The following SATB2 variants were observed in gnomAD, a reference collection of about 807,000 sequenced individuals.
The protein encoded by SATB2 is DNA-binding protein SATB2.
SATB2 carries 1 observed loss-of-function variant against 73.4 expected under a neutral mutation model. The observed-to-expected ratio is 0.01, with a 90% CI of 0.00 to 0.06. The LOEUF is 0.06. Ranked by LOEUF, SATB2 falls within the 10% of genes least tolerant of loss-of-function variation. SATB2 has a pLI of 1.00. For missense variants in SATB2, 459 were observed against 945.8 expected, an observed-to-expected ratio of 0.49 and a Z score of 6.75; for synonymous variants, 397 against 367.0, an observed-to-expected ratio of 1.08 and a Z score of -0.93.
upstream of SATB2, among the ~76,000 whole-genome samples, chr2:199,467,145 G>T (rs765384633): frequency 1.7e-4 from 26 of 152,254 alleles, no homozygotes; most frequent in Non-Finnish European, 3.5e-4. Flanking sequence ...CTCAAGTCAG[G>T]TCTCCCGGCC....
chr2:199,321,874 G>A (rs908328257), intron 9 of SATB2, among the ~76,000 whole-genome samples: 1 of 152,022 alleles, frequency 6.6e-6, no homozygotes, highest in East Asian at 1.9e-4. Context: ...CATTGTCCCA[G>A]TGAAAAAGGA....
chr2:199,452,528 T>C (rs886244330), intron 2 of SATB2, among the ~76,000 whole-genome samples: 6 of 152,168 alleles, frequency 3.9e-5, no homozygotes, highest in African/African-American at 1.4e-4. Context: ...AATAATCCCT[T>C]CTTTTCCTAA....
intron 3 of SATB2, among the ~76,000 whole-genome samples, chr2:199,409,703 C>A (rs1574601412): frequency 6.7e-6 from 1 of 150,326 alleles, no homozygotes; most frequent in African/African-American, 2.5e-5. Context: ...GGTGTCATAA[C>A]ACCACTTACA....
rs1687487390 is a variant in SATB2, at chr2:199,308,116, G to C, written c.1740+644C>G. 6.6e-6 allele frequency among the ~76,000 whole-genome samples: 1 copy of C among 152,144 alleles called. No homozygotes were observed. Among genetic ancestry groups the C allele is most frequent in the Admixed American group, 6.5e-5 (1 of 15,272 alleles). ...TTTTAGACTATGGAAAGTGTCAGTA[G>C]TTAAACTCAATTACTATGGCAAAGC... On this transcript the variant is annotated intron_variant, in intron 10 of 10. Coordinates refer to ENST00000417098, the MANE Select transcript of SATB2 (RefSeq NM_001172509.2). The surrounding 1 kb of genome is among the most constrained non-coding windows in gnomAD (Gnocchi z 4.6).
rs866470667 is a variant in SATB2, at chr2:199,281,921, G to A, written c.1741-9249C>T. On this transcript the variant is annotated intron_variant, in intron 10 of 10. Transcript: ENST00000417098. The stretch of plus-strand genomic sequence containing the variant: ...TTTTGAGACAGGGTCTTGCTCTGTC[G>A]CCCAGGCTGGAGTGCAGTGGCGTGA... Among the ~76,000 whole-genome samples the A allele has an allele frequency of 1.6e-4, 23 of 141,940 alleles. No homozygotes were observed. In the South Asian group the frequency reaches 2.4e-3, roughly 15 times the overall value. 93.1% of individuals were successfully genotyped at this position (141,940 alleles called of 152,430 possible).
intron 6 of SATB2, among the ~76,000 whole-genome samples, chr2:199,357,600 T>C (rs966187500): frequency 2.6e-5 from 4 of 152,168 alleles, no homozygotes; most frequent in Non-Finnish European, 5.9e-5. Flanking sequence ...TTCTATTTGA[T>C]GATAAAAGAT....
At chr2:199,399,723 AG>A (rs1690414471) in intron 3 of SATB2, among the ~76,000 whole-genome samples, 1 of 152,168 alleles carries the variant, frequency 6.6e-6, no homozygotes, top group South Asian at 2.1e-4. Context: ...CAGGAGCAAG[AG>A]AAGCGGAGAG....
chr2:199,308,845 C>T lies in SATB2; in HGVS notation c.1655G>A (p.Arg552Lys), dbSNP rs1559154045. The change falls in exon 10 of 11, where the codon AGG becomes AAG. Residue 552 changes from arginine to lysine, a missense_variant. Arg to Lys is a conservative substitution (Grantham distance 26, BLOSUM62 2). Coordinates refer to ENST00000417098, the MANE Select transcript of SATB2 (RefSeq NM_001172509.2). The surrounding 1 kb of genome is among the most constrained non-coding windows in gnomAD (Gnocchi z 4.6). ...TGACTCCTCCTCATAGATGACATCCCTCTCATGCTGGGGAAGGTTCAGGAA... is the reference window on the plus strand; with the variant it reads ...TGACTCCTCCTCATAGATGACATCCTTCTCATGCTGGGGAAGGTTCAGGAA... ...RRFLNLPQHE[R>K]DVIYEEESRH... 1.2e-6 allele frequency: 2 copies of T among 1,614,150 alleles called. No individual in the cohort carries two copies. The highest frequency in any genetic ancestry group is 1.7e-6 in the Non-Finnish European group (2 of 1,179,998).
intron 7 of SATB2, among the ~76,000 whole-genome samples, chr2:199,335,347 ATGT>A (rs1390402510): frequency 3.3e-5 from 5 of 152,132 alleles, no homozygotes; most frequent in Non-Finnish European, 7.4e-5. Context: ...TTGCAGACAA[ATGT>A]TGTTACTATA....
At chr2:199,315,704 C>A (rs999297932) in intron 9 of SATB2, among the ~76,000 whole-genome samples, 1 of 152,058 alleles carries the variant, frequency 6.6e-6, no homozygotes, top group Non-Finnish European at 1.5e-5. Context: ...CTAGAACTTG[C>A]TCAGCACTAA....
intron 6 of SATB2, among the ~76,000 whole-genome samples, chr2:199,350,445 G>C (rs1023148704): frequency 6.6e-6 from 1 of 152,090 alleles, no homozygotes; most frequent in Admixed American, 6.6e-5. Flanking sequence ...GGTGATGACA[G>C]ACACTGATGC....
intron 3 of SATB2, among the ~76,000 whole-genome samples, chr2:199,415,335 A>C (rs1316589600): frequency 6.6e-6 from 1 of 152,260 alleles, no homozygotes; most frequent in African/African-American, 2.4e-5. Flanking sequence ...ACTGTTGTAC[A>C]CAATTAATTG....
At chr2:199,321,374 T>C (rs1034312969) in intron 9 of SATB2, among the ~76,000 whole-genome samples, 10 of 141,098 alleles carry the variant, frequency 7.1e-5, no homozygotes, top group African/African-American at 2.7e-4. Context: ...TGTATGTCTA[T>C]ACATAGACAT....
intron 10 of SATB2, among the ~76,000 whole-genome samples, chr2:199,305,726 A>G (rs1474950459): frequency 1.3e-5 from 2 of 152,160 alleles, no homozygotes; most frequent in African/African-American, 4.8e-5. Context: ...TTATTCCAGT[A>G]CATCTATGTA....
At chr2:199,346,299 G>A (rs964063957) in intron 7 of SATB2, among the ~76,000 whole-genome samples, 3 of 151,722 alleles carry the variant, frequency 2.0e-5, no homozygotes, top group Non-Finnish European at 4.4e-5. Context: ...ACAGGCACAC[G>A]CCACCACGCC....
chr2:199,376,734 G>T (rs1689616852), intron 5 of SATB2, among the ~76,000 whole-genome samples: 1 of 152,144 alleles, frequency 6.6e-6, no homozygotes, highest in South Asian at 2.1e-4. Flanking sequence ...ATGACAACAG[G>T]CTGAGATAAG....
intron 3 of SATB2, among the ~76,000 whole-genome samples, chr2:199,386,456 A>G (rs1689935572): frequency 6.6e-6 from 1 of 152,186 alleles, no homozygotes; most frequent in African/African-American, 2.4e-5. Context: ...GCTTCTAAGG[A>G]GGGATGCAGA....
chr2:199,350,713 T>C (rs1224588158), intron 6 of SATB2, among the ~76,000 whole-genome samples: 2 of 152,080 alleles, frequency 1.3e-5, no homozygotes, highest in African/African-American at 4.8e-5. Context: ...TACAGTGCTT[T>C]TTCCTGCTTT....
chr2:199,361,142 T>C (rs1483415694), intron 6 of SATB2, among the ~76,000 whole-genome samples: 4 of 152,180 alleles, frequency 2.6e-5, no homozygotes, highest in Non-Finnish European at 5.9e-5. Flanking sequence ...TCCTGTCCTT[T>C]AGTCGGCTGG....
Sources: gnomAD v4.1 joint callset for allele counts (sites outside exome capture counted in the v4.1 genomes callset) on GRCh38, gnomAD v4.1.1 for gene constraint, Gnocchi (gnomAD v3.1) non-coding constraint, MANE v1.5 for transcripts, NCBI Gene and HGNC (gene_info 2026-07-23, HGNC 2026-07-21) for gene names.